Variants in ADGRG6 observed in about 807,000 individuals in gnomAD.
ADGRG6 encodes the protein G-protein coupled receptor 126.
Under a neutral mutation model 142.4 loss-of-function variants are expected in ADGRG6, and 84 were observed. That is an observed-to-expected ratio of 0.59 (90% CI 0.49 to 0.71). The LOEUF (loss-of-function observed/expected upper bound fraction) is 0.71. ADGRG6 is among the 30% of genes least tolerant of loss of function. The probability of loss-of-function intolerance (pLI) is 0.00; values close to 1 mark genes in which losing one functional copy is unlikely to be tolerated. For missense variants in ADGRG6, 1,367 were observed against 1,466.6 expected (o/e 0.93, Z 1.11); for synonymous variants, 521 against 520.5 (o/e 1.00, Z -0.01).
chr6:142,358,868 A>G lies in ADGRG6; in HGVS notation c.104-8701A>G, dbSNP rs149751528. ...TGCAGCAGTGAGCCGAGATCATGCAAGCCTGGGCGACGGAGTGAGACTCTG... is the reference window on the plus strand; with the variant it reads ...TGCAGCAGTGAGCCGAGATCATGCAGGCCTGGGCGACGGAGTGAGACTCTG... On this transcript the variant is annotated intron_variant, in intron 2 of 24. Transcript: ENST00000367609. Among the ~76,000 whole-genome samples the G allele has an allele frequency of 6.9e-3, 1,045 of 151,914 alleles. 10 individuals carry two copies. Among genetic ancestry groups the G allele is most frequent in the African/African-American group, 0.023 (960 of 41,434 alleles).
intron 6 of ADGRG6, among the ~76,000 whole-genome samples, chr6:142,386,619 G>T (rs1314979705): frequency 6.6e-6 from 1 of 152,160 alleles, no homozygotes; most frequent in East Asian, 1.9e-4. Context: ...ATGGGGGTTT[G>T]CCGAGTGCTT....
chr6:142,373,130 A>G (rs1781332884), intron 4 of ADGRG6, among the ~76,000 whole-genome samples: 1 of 152,192 alleles, frequency 6.6e-6, no homozygotes, highest in Non-Finnish European at 1.5e-5. Flanking sequence ...TAACTTATCC[A>G]GTGTCTCTTA....
intron 22 of ADGRG6, among the ~76,000 whole-genome samples, chr6:142,427,316 C>A (rs942868580): frequency 3.3e-5 from 5 of 152,146 alleles, no homozygotes; most frequent in African/African-American, 1.2e-4. Context: ...GTTCAAAGTT[C>A]CGCAAATCTC....
intron 2 of ADGRG6, among the ~76,000 whole-genome samples, chr6:142,347,708 A>G (rs1779975198): frequency 6.6e-6 from 1 of 152,166 alleles, no homozygotes; most frequent in Non-Finnish European, 1.5e-5. Context: ...GTAACAGTCA[A>G]GTCTTATTCT....
chr6:142,404,767 T>A (rs1775712109), intron 14 of ADGRG6, among the ~76,000 whole-genome samples: 1 of 152,192 alleles, frequency 6.6e-6, no homozygotes, highest in African/African-American at 2.4e-5. Context: ...ATTTGCACTT[T>A]TAGCAAGTTC....
At chr6:142,377,007 GA>G (rs1275655972) in intron 4 of ADGRG6, among the ~76,000 whole-genome samples, 1 of 152,150 alleles carries the variant, frequency 6.6e-6, no homozygotes, top group African/African-American at 2.4e-5. Context: ...GCATAATTTG[GA>G]AAGTACAACA....
intron 22 of ADGRG6, among the ~76,000 whole-genome samples, chr6:142,422,118 G>A (rs949487036): frequency 1.1e-4 from 17 of 152,016 alleles, no homozygotes; most frequent in Admixed American, 3.3e-4. Flanking sequence ...AATGCAAAAT[G>A]AACTCAGGTA....
chr6:142,343,324 G>A (rs1410009030), intron 2 of ADGRG6, among the ~76,000 whole-genome samples: 2 of 151,518 alleles, frequency 1.3e-5, no homozygotes, highest in East Asian at 1.9e-4. Context: ...AGATGACAAA[G>A]CATTGGTAAG....
intron 4 of ADGRG6, 162 bp downstream of exon 4, chr6:142,370,955 A>C: frequency 1.4e-6 from 1 of 723,074 alleles, no homozygotes; most frequent in African/African-American, 1.8e-5. Flanking sequence ...TTTAATTTTT[A>C]AAATGTCGTC....
At chr6:142,418,013 G>A (rs1457617739) in intron 21 of ADGRG6, among the ~76,000 whole-genome samples, 4 of 152,008 alleles carry the variant, frequency 2.6e-5, no homozygotes, top group Admixed American at 1.3e-4. Context: ...CATTTACATC[G>A]GCTGGGCGCA....
In ADGRG6 at chr6:142,446,174, G is replaced by A. The variant is rs1378871342; in HGVS notation, c.*2659G>A. 6.6e-6 allele frequency: 1 copy of A among 152,598 alleles called. No individual in the cohort carries two copies. Among genetic ancestry groups the A allele is most frequent in the Non-Finnish European group, 1.5e-5 (1 of 68,018 alleles). 9.5% of individuals were successfully genotyped at this position (152,598 alleles called of 1,614,324 possible). On this transcript the variant is annotated 3_prime_UTR_variant, in exon 25 of 25. Coordinates refer to ENST00000367609, the MANE Select transcript of ADGRG6 (RefSeq NM_198569.3). ...ACTGTGAGTGCAAATAGAATTAGCA[G>A]TAAGAAGCTACTCTAGCTAATTTGC...
At chr6:142,397,910 A>G (rs1775288778) in intron 10 of ADGRG6, among the ~76,000 whole-genome samples, 155 bp downstream of exon 10, 1 of 152,244 alleles carries the variant, frequency 6.6e-6, no homozygotes, top group Non-Finnish European at 1.5e-5. Context: ...CATAGCAGAA[A>G]AAAAAAATCA....
Position 142,419,964 on chromosome 6 carries a change from G to T in ADGRG6, c.3179G>T (p.Arg1060Ile), listed in dbSNP as rs1390316108. 1.2e-6 allele frequency: 2 copies of T among 1,613,462 alleles called. No homozygotes were observed. The highest frequency in any genetic ancestry group is 1.7e-6 in the Non-Finnish European group (2 of 1,179,646). ...RNGKRSNRTL[R>I]EEVLRNLRSV... The stretch of plus-strand genomic sequence containing the variant: ...GGCAAGAGAAGCAACCGGACCCTGA[G>T]AGAAGAAGTGTTAAGGAACCTGCGC... The change falls in exon 22 of 25, where the codon AGA (arginine) becomes ATA (isoleucine). Residue 1060 changes from arginine to isoleucine, a missense_variant. This residue lies in a region of ADGRG6 where 344 missense variants were observed against 348.7 expected (regional missense o/e 0.99). Transcript: ENST00000367609.
intron 1 of ADGRG6, among the ~76,000 whole-genome samples, chr6:142,304,491 A>G (rs955919765): frequency 1.3e-5 from 2 of 152,208 alleles, no homozygotes; most frequent in Non-Finnish European, 2.9e-5. Flanking sequence ...ATGGTGAATA[A>G]GGCTATTGTC....
rs56290029 is a variant in ADGRG6, at chr6:142,388,680, T to C, written c.1223-1578T>C. ...TTATAATAAAGTGTTGAATATCTCA[T>C]GTACTTTATTGAATGCTGAACTTAA... On this transcript the variant is annotated intron_variant, in intron 6 of 24. Coordinates refer to ENST00000367609, the MANE Select transcript of ADGRG6 (RefSeq NM_198569.3). 1.4e-3 allele frequency among the ~76,000 whole-genome samples: 215 copies of C among 152,196 alleles called. 1 individual carries two copies. The highest frequency in any genetic ancestry group is 5.0e-3 in the African/African-American group (208 of 41,576).
Position 142,394,058 on chromosome 6 carries a change from T to C in ADGRG6, c.1424+100T>C, listed in dbSNP as rs17071756. The C allele has an allele frequency of 0.2, 151,770 of 765,102 alleles. 15,877 individuals carry two copies. The highest frequency in any genetic ancestry group is 0.29 in the African/African-American group (16,785 of 57,154). 47.4% of individuals were successfully genotyped at this position (765,102 alleles called of 1,614,324 possible). A position where few individuals can be genotyped will look rare whatever the true frequency, so the allele number is the denominator to read the frequency against. ...AACAATTAGATAGGAAAGAAAAACT[T>C]AATCACATAGCACAGTTATTTCTTT... On this transcript the variant is annotated intron_variant, in intron 9 of 24. Coordinates refer to ENST00000367609, the MANE Select transcript of ADGRG6 (RefSeq NM_198569.3).
chr6:142,427,723 A>G (rs1777017676), intron 22 of ADGRG6, among the ~76,000 whole-genome samples: 1 of 152,230 alleles, frequency 6.6e-6, no homozygotes, highest in Non-Finnish European at 1.5e-5. Flanking sequence ...TTACAGTTCC[A>G]TGTGACTGGG....
At chr6:142,313,805 A>T (rs570854094) in intron 2 of ADGRG6, among the ~76,000 whole-genome samples, 2 of 152,294 alleles carry the variant, frequency 1.3e-5, no homozygotes, top group South Asian at 4.1e-4. Flanking sequence ...TTACATTGCA[A>T]TCTATATTTA....
intron 1 of ADGRG6, among the ~76,000 whole-genome samples, chr6:142,308,346 C>T (rs923454108): frequency 2.0e-5 from 3 of 151,928 alleles, no homozygotes; most frequent in Non-Finnish European, 4.4e-5. Flanking sequence ...AGATCTGTCT[C>T]ACTCTAAGCT....
Sources: allele counts gnomAD v4.1 joint callset (sites outside exome capture counted in the v4.1 genomes callset), GRCh38; gene constraint gnomAD v4.1.1; regional missense constraint gnomAD v4.1.1; transcripts MANE v1.5; gene names NCBI Gene and HGNC (gene_info 2026-07-23, HGNC 2026-07-21).